Variants in ADGRL2 observed in about 807,000 individuals in gnomAD.
ADGRL2 encodes calcium-independent alpha-latrotoxin receptor 2.
In ADGRL2, 44 loss-of-function variants were observed where a neutral mutation model predicts 157.4. The ratio of observed to expected loss-of-function variants is 0.28; its 90% CI spans 0.22 to 0.36. The LOEUF (loss-of-function observed/expected upper bound fraction) is 0.36. Ranked by LOEUF, ADGRL2 falls within the 10% of genes least tolerant of loss-of-function variation. The pLI, the probability that ADGRL2 is intolerant of heterozygous loss-of-function variation, is 1.00. For missense variants in ADGRL2, 1,510 were observed against 1,768.9 expected, an observed-to-expected ratio of 0.85 and a Z score of 2.63; for synonymous variants, 585 against 624.7, an observed-to-expected ratio of 0.94 and a Z score of 0.95.
At chr1:81,842,041 A>G (rs2092602165) in intron 2 of ADGRL2, among the ~76,000 whole-genome samples, 1 of 152,122 alleles carries the variant, frequency 6.6e-6, no homozygotes, top group African/African-American at 2.4e-5. Flanking sequence ...GCATTAGTTA[A>G]CATTGCTGAC....
chr1:81,719,351 C>G (rs903283225), intron 1 of ADGRL2, among the ~76,000 whole-genome samples: 2 of 152,172 alleles, frequency 1.3e-5, no homozygotes, highest in African/African-American at 2.4e-5. Flanking sequence ...ATTAAAGCTT[C>G]CTACAGACTC....
intron 1 of ADGRL2, among the ~76,000 whole-genome samples, chr1:81,421,190 A>G (rs1281306212): frequency 2.6e-5 from 4 of 152,184 alleles, no homozygotes; most frequent in Non-Finnish European, 5.9e-5. Context: ...TATTTAGAAG[A>G]AGAAGAAAAA....
chr1:81,539,957 A>G (rs957655887), intron 2 of ADGRL2, among the ~76,000 whole-genome samples: 5 of 152,218 alleles, frequency 3.3e-5, no homozygotes, highest in Non-Finnish European at 7.3e-5. Flanking sequence ...GACTCTAAGA[A>G]TCTAGAGAAT....
intron 2 of ADGRL2, chr1:81,502,374 G>A (rs1280091724): frequency 5.6e-6 from 9 of 1,613,998 alleles, no homozygotes; most frequent in African/African-American, 2.7e-5. Context: ...GATGGAGGCC[G>A]GGGAAGAGAG....
intron 1 of ADGRL2, among the ~76,000 whole-genome samples, chr1:81,720,790 T>C (rs1397099495): frequency 1.3e-5 from 2 of 151,732 alleles, no homozygotes; most frequent in Non-Finnish European, 2.9e-5. Context: ...GAAAATATTA[T>C]ATAACACCTA....
At chr1:81,412,488 T>G (rs2076963174) in intron 1 of ADGRL2, among the ~76,000 whole-genome samples, 1 of 152,222 alleles carries the variant, frequency 6.6e-6, no homozygotes, top group Admixed American at 6.5e-5. Context: ...CTTAGAAGCC[T>G]TTCTATCTTC....
chr1:81,694,864 A>C (rs1324379365), upstream of ADGRL2, among the ~76,000 whole-genome samples: 2 of 152,118 alleles, frequency 1.3e-5, no homozygotes, highest in African/African-American at 4.8e-5. Context: ...TGAATCCTAC[A>C]TTTTCTTAAA....
chr1:81,910,974 G>GTTTC (rs1169020869), intron 3 of ADGRL2, among the ~76,000 whole-genome samples: 2 of 151,078 alleles, frequency 1.3e-5, no homozygotes, highest in African/African-American at 4.9e-5. Flanking sequence ...AGAAATTTCA[G>GTTTC]TACCATTAAA....
intron 1 of ADGRL2, among the ~76,000 whole-genome samples, chr1:81,367,896 A>G (rs536396521): frequency 1.3e-5 from 2 of 152,286 alleles, no homozygotes; most frequent in South Asian, 4.1e-4. Context: ...CATGGTGTAC[A>G]TGTACCACAT....
Position 81,979,900 on chromosome 1 carries a change from G to A in ADGRL2, c.3053G>A (p.Cys1018Tyr), listed in dbSNP as rs1200770011. The change falls in exon 18 of 24, where the codon TGC (cysteine) becomes TAC (tyrosine). Residue 1018 changes from cysteine (C) to tyrosine (Y), a missense_variant. Physicochemically the swap from Cys to Tyr is radical, Grantham distance 194. Transcript: ENST00000686636. ...ATTATCTTCTTGGTGATCACATTGT[G>A]CAAAATGGTGAAGCATTCAAACACT... ...LNIIFLVITL[C>Y]KMVKHSNTLK... 4 of 1,606,986 alleles carry A rather than the reference G, an allele frequency of 2.5e-6. No individual in the cohort carries two copies. Among genetic ancestry groups the A allele is most frequent in the Non-Finnish European group, 3.4e-6 (4 of 1,174,734 alleles).
chr1:81,579,561 C>G (rs1348767435), intron 2 of ADGRL2, among the ~76,000 whole-genome samples: 1 of 152,004 alleles, frequency 6.6e-6, no homozygotes, highest in Non-Finnish European at 1.5e-5. Context: ...AAGTGCAAAC[C>G]TACCGACACA....
chr1:81,944,088 T>G (rs1648976350), intron 6 of ADGRL2, among the ~76,000 whole-genome samples: 1 of 152,016 alleles, frequency 6.6e-6, no homozygotes, highest in African/African-American at 2.4e-5. Context: ...CTGAATTGAT[T>G]ACAATCTATG....
At chr1:81,948,037 T>A (rs1290332657) in intron 6 of ADGRL2, among the ~76,000 whole-genome samples, 2 of 151,856 alleles carry the variant, frequency 1.3e-5, no homozygotes, top group South Asian at 2.1e-4. Context: ...GCCAATATGG[T>A]GAAACCCCGT....
intron 23 of ADGRL2, 29 bp downstream of exon 23, chr1:81,987,915 T>C: frequency 3.0e-6 from 1 of 330,378 alleles, no homozygotes; most frequent in Non-Finnish European, 6.5e-6. Flanking sequence ...ACTTTGCCTA[T>C]CAAATGTAAA....
At chr1:81,932,725 C>A (rs1330338637) in intron 3 of ADGRL2, among the ~76,000 whole-genome samples, 2 of 151,912 alleles carry the variant, frequency 1.3e-5, no homozygotes, top group Admixed American at 6.6e-5. Context: ...CGGAGTTTCA[C>A]TCTTGTTGCC....
At chr1:81,818,493 A>C (rs2090646223) in intron 1 of ADGRL2, among the ~76,000 whole-genome samples, 1 of 152,144 alleles carries the variant, frequency 6.6e-6, no homozygotes, top group South Asian at 2.1e-4. Flanking sequence ...AAAAATACGC[A>C]TTTGCTTGCA....
intron 2 of ADGRL2, among the ~76,000 whole-genome samples, chr1:81,510,604 T>A (rs1354611011): frequency 1.3e-5 from 2 of 151,690 alleles, no homozygotes; most frequent in Non-Finnish European, 2.9e-5. Context: ...AATATTGATT[T>A]AAAAAAAAAT....
chr1:81,471,784 C>T (rs2078178063), intron 2 of ADGRL2, among the ~76,000 whole-genome samples: 1 of 152,206 alleles, frequency 6.6e-6, no homozygotes, highest in Non-Finnish European at 1.5e-5. Flanking sequence ...TGGATAAGAC[C>T]TAAATTTTAT....
chr1:81,775,066 C>T (rs896009529), intron 2 of ADGRL2, among the ~76,000 whole-genome samples: 2 of 151,952 alleles, frequency 1.3e-5, no homozygotes, highest in East Asian at 1.9e-4. Flanking sequence ...CTATTCATAT[C>T]GATATAAATT....
Sources: gnomAD v4.1 joint callset for allele counts (sites outside exome capture counted in the v4.1 genomes callset) on GRCh38, gnomAD v4.1.1 for gene constraint, MANE v1.5 for transcripts, NCBI Gene and HGNC (gene_info 2026-07-23, HGNC 2026-07-21) for gene names.